Variants in BARD1 observed in about 807,000 individuals in gnomAD.
BARD1 encodes BRCA1-associated RING domain protein 1.
In BARD1, 73 loss-of-function variants were observed where a neutral mutation model predicts 77.0. The observed-to-expected ratio is 0.95, with a 90% CI of 0.79 to 1.15. BARD1 has a LOEUF of 1.15. Among genes scored for constraint, BARD1 ranks in the 50% most tolerant of loss-of-function variants. BARD1 has a pLI of 0.00. For synonymous variants in BARD1, 384 were observed against 338.0 expected, an observed-to-expected ratio of 1.14 and a Z score of -1.49; for missense variants, 993 against 938.8, an observed-to-expected ratio of 1.06 and a Z score of -0.75.
Position 214,807,047 on chromosome 2 carries a change from T to C in BARD1, c.158+2365A>G, listed in dbSNP as rs113709660. ...TGTACAGCCCTTAAGGAAAGAATGG[T>C]TTTTACATTTTTAAGAGATGTAAAA... On this transcript the variant is annotated intron_variant, in intron 1 of 10. Transcript: ENST00000260947. 7.4e-4 allele frequency among the ~76,000 whole-genome samples: 112 copies of C among 152,044 alleles called. 1 individual carries two copies. The highest frequency in any genetic ancestry group is 1.2e-3 in the Non-Finnish European group (81 of 68,000).
chr2:214,754,770 C>T (rs1479799826), intron 6 of BARD1, among the ~76,000 whole-genome samples: 2 of 152,252 alleles, frequency 1.3e-5, no homozygotes, highest in Non-Finnish European at 2.9e-5. Flanking sequence ...ATTCACTAAA[C>T]TCTTAGCCCT....
chr2:214,768,288 C>T (rs544006385), intron 5 of BARD1, among the ~76,000 whole-genome samples: 47 of 152,008 alleles, frequency 3.1e-4, no homozygotes, highest in African/African-American at 1.1e-3. Flanking sequence ...GCATTCTATA[C>T]TTTTTAAGTA....
Position 214,780,935 on chromosome 2 carries a change from A to G in BARD1, c.939T>C (p.Ser313=), listed in dbSNP as rs765858289. 6.8e-6 allele frequency: 11 copies of G among 1,613,948 alleles called. No individual in the cohort carries two copies. The highest frequency in any genetic ancestry group is 9.3e-6 in the Non-Finnish European group (11 of 1,179,928). The change falls in exon 4 of 11, where the codon TCT becomes TCC. Residue 313 remains serine, a synonymous_variant. Coordinates refer to ENST00000260947, the MANE Select transcript of BARD1 (RefSeq NM_000465.4). The part of the protein sequence containing the change: ...VCKNYLTSKK[S]LPLENNGKRG... ...GTTTTCCATTATTTTCTAATGGCAA[A>G]GATTTCTTAGATGTAAGATAATTTT...
chr2:214,808,490 A>AG (rs1453347509), intron 1 of BARD1, among the ~76,000 whole-genome samples: 2 of 70,322 alleles, frequency 2.8e-5, no homozygotes, highest in African/African-American at 5.3e-5. Flanking sequence ...TAGAAATCAA[A>AG]GGGGAAAAAA....
chr2:214,738,961 AAAGT>A (rs1042934669), intron 9 of BARD1, among the ~76,000 whole-genome samples: 6 of 152,084 alleles, frequency 3.9e-5, no homozygotes, highest in African/African-American at 1.4e-4. Context: ...CCTGGGCAAC[AAAGT>A]GAGATCTCTG....
intron 1 of BARD1, among the ~76,000 whole-genome samples, chr2:214,800,488 T>C (rs1695967370): frequency 6.6e-6 from 1 of 152,142 alleles, no homozygotes; most frequent in Non-Finnish European, 1.5e-5. Context: ...TAGTGTGCCA[T>C]GATCGTGCCT....
At chr2:214,793,575 A>C (rs899328708) in intron 2 of BARD1, among the ~76,000 whole-genome samples, 3 of 152,242 alleles carry the variant, frequency 2.0e-5, no homozygotes, top group Admixed American at 6.5e-5. Flanking sequence ...AATTATCAGT[A>C]AAATACAATC....
intron 1 of BARD1, among the ~76,000 whole-genome samples, chr2:214,801,334 G>C (rs1456997071): frequency 6.6e-6 from 1 of 152,128 alleles, no homozygotes; most frequent in Admixed American, 6.5e-5. Flanking sequence ...ATGCTTATAT[G>C]AACATAGAAC....
intron 3 of BARD1, among the ~76,000 whole-genome samples, chr2:214,787,092 A>G (rs1475260462): frequency 6.6e-6 from 1 of 151,922 alleles, no homozygotes; most frequent in Non-Finnish European, 1.5e-5. Context: ...ATTATTTTAA[A>G]CACAGATGAC....
rs938313933 is a variant in BARD1 at position 214,726,275 on chromosome 2, C to G, written c.*2401G>C. 6 of 200,402 alleles carry G rather than the reference C, an allele frequency of 3.0e-5. No homozygotes were observed. The highest frequency in any genetic ancestry group is 4.1e-5 in the Non-Finnish European group (4 of 97,258). 12.4% of individuals were successfully genotyped at this position (200,402 alleles called of 1,614,324 possible). On this transcript the variant is annotated 3_prime_UTR_variant, in exon 11 of 11. Transcript: ENST00000260947. ...AGTATTAGCAGAGACAGAAAAATAG[C>G]TACAAAGTGGCAGCTGTCAAGGAAA... is the stretch of plus-strand genomic sequence containing the variant.
chr2:214,790,887 T>C (rs1481211632), intron 3 of BARD1, among the ~76,000 whole-genome samples: 1 of 152,190 alleles, frequency 6.6e-6, no homozygotes, highest in African/African-American at 2.4e-5. Flanking sequence ...CAAAGGTGCA[T>C]GGGCCCTTGA....
chr2:214,754,138 T>C (rs539437456), intron 6 of BARD1, among the ~76,000 whole-genome samples: 50 of 152,132 alleles, frequency 3.3e-4, no homozygotes, highest in Admixed American at 2.9e-3. Flanking sequence ...ACATATGCTA[T>C]ACATATGACA....
intron 2 of BARD1, among the ~76,000 whole-genome samples, chr2:214,794,541 G>A (rs1695671043): frequency 6.6e-6 from 1 of 151,434 alleles, no homozygotes; most frequent in Admixed American, 6.6e-5. Context: ...TCCTTACAAA[G>A]TGTTATTTGT....
chr2:214,787,798 T>G (rs953569096), intron 3 of BARD1, among the ~76,000 whole-genome samples: 1 of 151,990 alleles, frequency 6.6e-6, no homozygotes, highest in African/African-American at 2.4e-5. Context: ...AAAATGTGAT[T>G]TAGCTATCAT....
At chr2:214,760,431 G>T (rs963610445) in intron 6 of BARD1, among the ~76,000 whole-genome samples, 1 of 152,130 alleles carries the variant, frequency 6.6e-6, no homozygotes, top group Admixed American at 6.5e-5. Context: ...GACCTCAAGT[G>T]ATCCACCCGC....
intron 9 of BARD1, among the ~76,000 whole-genome samples, 155 bp downstream of exon 9, chr2:214,744,912 T>A (rs1693026601): frequency 6.6e-6 from 1 of 152,136 alleles, no homozygotes; most frequent in African/African-American, 2.4e-5. Context: ...ATTACAGGCT[T>A]GAGCCACCAC....
In BARD1 at chr2:214,792,308, T is replaced by C. The variant is rs142864491; in HGVS notation, c.353A>G (p.Asn118Ser). Residue 118 changes from asparagine (N) to serine (S), a missense_variant, in exon 3 of 11, where the codon AAT (asparagine) becomes AGT (serine). By Grantham distance (46) the Asn-to-Ser change is conservative (BLOSUM62 1). Coordinates refer to ENST00000260947, the MANE Select transcript of BARD1 (RefSeq NM_000465.4). ...CSKLRNLLHDNELSDLKEDKP... is the reference protein window; with the variant it reads ...CSKLRNLLHDSELSDLKEDKP... ...GGGATAGTTCTTACCTGACAGCTCA[T>C]TGTCATGTAGCAAATTTCGAAGCTT... 113 of 1,613,314 alleles carry C rather than the reference T, an allele frequency of 7.0e-5. No individual in the cohort carries two copies. Among genetic ancestry groups the C allele is most frequent in the Non-Finnish European group, 9.2e-5 (108 of 1,179,688 alleles).
At chr2:214,801,854 G>GA (rs922383120) in intron 1 of BARD1, among the ~76,000 whole-genome samples, 1 of 148,972 alleles carries the variant, frequency 6.7e-6, no homozygotes, top group Non-Finnish European at 1.5e-5. Flanking sequence ...TTTGGCGGGG[G>GA]GGGGGGTTGT....
At chr2:214,807,932 C>T (rs1696351151) in intron 1 of BARD1, among the ~76,000 whole-genome samples, 1 of 152,198 alleles carries the variant, frequency 6.6e-6, no homozygotes, top group South Asian at 2.1e-4. Context: ...TTTTAAATTT[C>T]CTATTCTCAG....
Sources: allele counts gnomAD v4.1 joint callset (sites outside exome capture counted in the v4.1 genomes callset), GRCh38; gene constraint gnomAD v4.1.1; transcripts MANE v1.5; gene names NCBI Gene and HGNC (gene_info 2026-07-23, HGNC 2026-07-21).